Variants in GADL1 observed in about 807,000 individuals in gnomAD.
GADL1 encodes GAD like acidic amino acid decarboxylase 1.
A neutral mutation model predicts 69.5 loss-of-function variants in GADL1; 71 were observed. The observed-to-expected ratio is 1.02, with a 90% CI of 0.84 to 1.25. The LOEUF is 1.25. Among genes scored for constraint, GADL1 ranks in the 50% most tolerant of loss-of-function variants. The pLI is 0.00. For missense variants in GADL1, 737 were observed against 631.8 expected, an observed-to-expected ratio of 1.17 and a Z score of -1.79; for synonymous variants, 254 against 214.4, an observed-to-expected ratio of 1.18 and a Z score of -1.62.
At chr3:30,835,744 G>T (rs1697862827) in intron 9 of GADL1, among the ~76,000 whole-genome samples, 1 of 152,046 alleles carries the variant, frequency 6.6e-6, no homozygotes, top group African/African-American at 2.4e-5. Flanking sequence ...ACTCCATGGG[G>T]TCCCCAGAGG....
chr3:30,860,219 T>C (rs1698300506), intron 2 of GADL1, among the ~76,000 whole-genome samples: 1 of 151,914 alleles, frequency 6.6e-6, no homozygotes, highest in South Asian at 2.1e-4. Flanking sequence ...TCTCAAAGCA[T>C]TTATCACATC....
At chr3:30,881,019 T>C (rs76837951) in intron 1 of GADL1, among the ~76,000 whole-genome samples, 1 of 151,884 alleles carries the variant, frequency 6.6e-6, no homozygotes, top group Non-Finnish European at 1.5e-5. Context: ...AGCATAGGCA[T>C]TGTCCTTTTC....
At chr3:30,839,141 T>C in intron 8 of GADL1, 28 bp from the exon 9 acceptor site, 1 of 1,373,220 alleles carries the variant, frequency 7.3e-7, no homozygotes. Flanking sequence ...ACACACAAAA[T>C]TATCACTGTC....
At chr3:30,848,377 G>A (rs996070064) in intron 6 of GADL1, among the ~76,000 whole-genome samples, 1 of 152,164 alleles carries the variant, frequency 6.6e-6, no homozygotes, top group Non-Finnish European at 1.5e-5. Flanking sequence ...GAAAACATGA[G>A]AGTGGTCATA....
chr3:30,784,933 G>T (rs1217322869), intron 13 of GADL1, among the ~76,000 whole-genome samples: 1 of 152,124 alleles, frequency 6.6e-6, no homozygotes, highest in African/African-American at 2.4e-5. Context: ...CTCAAAGACA[G>T]AACTCTCTTC....
In GADL1 at chr3:30,811,840, C is replaced by A. The variant is rs144591003; in HGVS notation, c.1051-10752G>T. ...AAAATAACATTGCAGGGTTCCTACT[C>A]AAGGCCAAAAAACCAGAATTTTCAG... On this transcript the variant is annotated intron_variant, in intron 11 of 14. Transcript: ENST00000282538. 7.9e-3 allele frequency among the ~76,000 whole-genome samples: 1,209 copies of A among 152,216 alleles called. 17 individuals carry two copies. The highest frequency in any genetic ancestry group is 0.028 in the African/African-American group (1,155 of 41,528).
At chr3:30,786,513 T>C (rs1379824518) in intron 12 of GADL1, 107 bp from the exon 13 acceptor site, 1 of 688,894 alleles carries the variant, frequency 1.5e-6, no homozygotes, top group Non-Finnish European at 2.6e-6. Flanking sequence ...ATAAGAAAGA[T>C]ACAGATAAAG....
intron 14 of GADL1, among the ~76,000 whole-genome samples, chr3:30,777,260 AAC>A (rs968688291): frequency 6.6e-6 from 1 of 152,026 alleles, no homozygotes; most frequent in African/African-American, 2.4e-5. Context: ...TTAAAAAAAA[AAC>A]GTTTTCCCCC....
intron 14 of GADL1, among the ~76,000 whole-genome samples, chr3:30,751,633 CTG>C (rs765335519): frequency 3.9e-5 from 6 of 152,166 alleles, no homozygotes; most frequent in African/African-American, 7.2e-5. Flanking sequence ...AACTGAAAGA[CTG>C]AAACAGTTTG....
At chr3:30,764,135 A>AT (rs1575191871) in intron 14 of GADL1, among the ~76,000 whole-genome samples, 1 of 148,472 alleles carries the variant, frequency 6.7e-6, no homozygotes, top group East Asian at 2.0e-4. Context: ...TTTATTAAAT[A>AT]TATTAACGCT....
chr3:30,863,995 A>G (rs1435421505), intron 1 of GADL1, among the ~76,000 whole-genome samples: 1 of 152,060 alleles, frequency 6.6e-6, no homozygotes, highest in Non-Finnish European at 1.5e-5. Context: ...AAAAGAAGCC[A>G]TTTAGAGCTC....
At chr3:30,730,991 A>G (rs1335689147) in intron 14 of GADL1, among the ~76,000 whole-genome samples, 2 of 152,188 alleles carry the variant, frequency 1.3e-5, no homozygotes, top group African/African-American at 4.8e-5. Flanking sequence ...CCACGCTTTG[A>G]CTTAGGTTCA....
intron 14 of GADL1, among the ~76,000 whole-genome samples, chr3:30,767,159 C>T (rs956276262): frequency 2.6e-5 from 4 of 152,078 alleles, no homozygotes; most frequent in African/African-American, 9.7e-5. Context: ...AAAAGGAAAG[C>T]AAGTTTCAGT....
At chr3:30,855,839 T>A (rs1007294257) in intron 3 of GADL1, among the ~76,000 whole-genome samples, 1 of 151,732 alleles carries the variant, frequency 6.6e-6, no homozygotes, top group African/African-American at 2.4e-5. Context: ...TTTTAGTTTT[T>A]TTTTTCTCTC....
At chr3:30,779,393 A>G (rs957814421) in intron 13 of GADL1, among the ~76,000 whole-genome samples, 7 of 152,244 alleles carry the variant, frequency 4.6e-5, no homozygotes, top group African/African-American at 1.7e-4. Context: ...GCTCCAGTAT[A>G]TAAAGTTTCA....
At chr3:30,813,936 A>G (rs1209365350) in intron 11 of GADL1, among the ~76,000 whole-genome samples, 1 of 152,196 alleles carries the variant, frequency 6.6e-6, no homozygotes, top group Non-Finnish European at 1.5e-5. Flanking sequence ...CTGAAATGAC[A>G]AAAAACGTTT....
chr3:30,887,123 A>G (rs2125546968), intron 1 of GADL1, among the ~76,000 whole-genome samples: 1 of 152,316 alleles, frequency 6.6e-6, no homozygotes, highest in South Asian at 2.1e-4. Context: ...CCTGGACTCC[A>G]ACATGGTGTG....
At chr3:30,754,844 A>C (rs1477305478) in intron 14 of GADL1, among the ~76,000 whole-genome samples, 5 of 137,766 alleles carry the variant, frequency 3.6e-5, no homozygotes, top group Admixed American at 6.9e-5. Context: ...GAGGGGGCAA[A>C]AACTGCAGGG....
intron 14 of GADL1, among the ~76,000 whole-genome samples, chr3:30,761,074 AAAG>A (rs762086387): frequency 6.6e-6 from 1 of 152,366 alleles, no homozygotes; most frequent in African/African-American, 2.4e-5. Context: ...TGAATGGAAA[AAAG>A]CTATCGGGTT....
Sources: allele counts gnomAD v4.1 joint callset (sites outside exome capture counted in the v4.1 genomes callset), GRCh38; gene constraint gnomAD v4.1.1; transcripts MANE v1.5; gene names NCBI Gene and HGNC (gene_info 2026-07-23, HGNC 2026-07-21).